RNF222: variants seen among roughly 807,000 people sequenced by gnomAD.
RNF222 encodes ring finger protein 222, also known as RING finger protein LOC643904.
Under a neutral mutation model 10.8 loss-of-function variants are expected in RNF222, and 14 were observed. That is an observed-to-expected ratio of 1.30 (90% CI 0.86 to 2.03). The LOEUF is 2.03. RNF222 is among the 30% of genes most tolerant of loss of function. The probability of loss-of-function intolerance (pLI) is 0.00; values close to 1 mark genes in which losing one functional copy is unlikely to be tolerated. For missense variants in RNF222, 298 were observed against 295.8 expected, an observed-to-expected ratio of 1.01 and a Z score of -0.06; for synonymous variants, 141 against 142.5, an observed-to-expected ratio of 0.99 and a Z score of 0.07.
At position 8,392,728 on chromosome 17, in the gene RNF222, A is replaced by T; in HGVS notation, c.*71T>A. ...CGCGTGCCCCTCGGAGCTTGGTGGC[A>T]CCAGGGCTGCCGTGGGCCTCCTGTC... On this transcript the variant is annotated 3_prime_UTR_variant, in exon 3 of 3. Coordinates refer to ENST00000399398, the MANE Select transcript of RNF222 (RefSeq NM_001146684.3). The surrounding 1 kb of genome is among the most constrained non-coding windows in gnomAD (Gnocchi z 4.3). 2 of 1,497,984 alleles carry T rather than the reference A, an allele frequency of 1.3e-6. No homozygotes were observed. The highest frequency in any genetic ancestry group is 8.8e-7 in the Non-Finnish European group (1 of 1,130,328). The allele number at this position is 1,497,984 out of a possible 1,614,324, so 92.8% of individuals were successfully genotyped here.
chr17:8,396,656 T>A (rs557595570), intron 1 of RNF222, among the ~76,000 whole-genome samples: 10 of 152,160 alleles, frequency 6.6e-5, no homozygotes, highest in Non-Finnish European at 1.5e-4. Context: ...GGGCAATCCT[T>A]CCCCCGTCCC....
At chr17:8,394,418 A>G (rs1388498174) in intron 1 of RNF222, 89 bp from the exon 2 acceptor site, 1 of 151,384 alleles carries the variant, frequency 6.6e-6, no homozygotes, top group Admixed American at 6.6e-5. Flanking sequence ...AACAAGATAT[A>G]TAAAGTAACA....
In RNF222 at chr17:8,392,690, C is replaced by G; in HGVS notation, c.*109G>C. 2 of 1,348,562 alleles carry G rather than the reference C, an allele frequency of 1.5e-6. No individual in the cohort carries two copies. Among genetic ancestry groups the G allele is most frequent in the Admixed American group, 5.2e-5 (2 of 38,238 alleles). The allele number at this position is 1,348,562 out of a possible 1,614,324, so 83.5% of individuals were successfully genotyped here. A position where few individuals can be genotyped will look rare whatever the true frequency, so the allele number is the denominator to read the frequency against. On this transcript the variant is annotated 3_prime_UTR_variant, in exon 3 of 3. Transcript: ENST00000399398. This position sits in a 1 kb window ranked among gnomAD's most constrained non-coding sequence, Gnocchi z 4.3. The stretch of plus-strand genomic sequence containing the variant: ...AGGCCCTCTCTGTGCCCAGGTCCTC[C>G]CCTCTGCCTGCCCGCGTGCCCCTCG...
chr17:8,395,910 A>G (rs1425422433), intron 1 of RNF222, among the ~76,000 whole-genome samples: 2 of 152,154 alleles, frequency 1.3e-5, no homozygotes, highest in South Asian at 4.1e-4. Context: ...CCATCCTTCT[A>G]TCCATCCATC....
chr17:8,393,512 T>C (rs1907939426), intron 2 of RNF222, 26 bp from the exon 3 acceptor site: 3 of 1,497,472 alleles, frequency 2.0e-6, no homozygotes, highest in Non-Finnish European at 1.8e-6. Flanking sequence ...GTTGTGAATA[T>C]TGGGGCATTT....
intron 1 of RNF222, among the ~76,000 whole-genome samples, chr17:8,394,761 A>G (rs1380195031): frequency 6.6e-6 from 1 of 152,218 alleles, no homozygotes; most frequent in African/African-American, 2.4e-5. Context: ...TTTTAAACAG[A>G]ATCTGAGAGC....
At position 8,393,081 on chromosome 17, in the gene RNF222, G is replaced by C; in HGVS notation, c.381C>G (p.Gly127=). Residue 127 remains glycine (G), a synonymous_variant, in exon 3 of 3, where the codon GGC becomes GGG. Transcript: ENST00000399398. ...RPPPGQARPP[G]SPGQSAQLPL... ...GGAGCTGGGCGCTCTGGCCCGGGCTGCCTGGCGGCCTGGCCTGGCCTGGAG... is the reference window on the plus strand; with the variant it reads ...GGAGCTGGGCGCTCTGGCCCGGGCTCCCTGGCGGCCTGGCCTGGCCTGGAG... 1 of 1,493,006 alleles carries C rather than the reference G, an allele frequency of 6.7e-7. No individual in the cohort carries two copies. The highest frequency in any genetic ancestry group is 1.4e-5 in the African/African-American group (1 of 71,742). The allele number at this position is 1,493,006 out of a possible 1,614,324, so 92.5% of individuals were successfully genotyped here. A position where few individuals can be genotyped will look rare whatever the true frequency, so the allele number is the denominator to read the frequency against.
At chr17:8,393,533 T>TC in intron 2 of RNF222, 47 bp from the exon 3 acceptor site, 1 of 1,480,622 alleles carries the variant, frequency 6.8e-7, no homozygotes, top group Non-Finnish European at 9.0e-7. Flanking sequence ...CCTCTTTCCC[T>TC]CCCCCGTCCT....
At chr17:8,396,667 G>C (rs1254252204) in intron 1 of RNF222, among the ~76,000 whole-genome samples, 1 of 151,940 alleles carries the variant, frequency 6.6e-6, no homozygotes, top group Non-Finnish European at 1.5e-5. Context: ...CCCCCGTCCC[G>C]TGCTTCCGGA....
rs1467894702 is a variant in RNF222 at position 8,392,682 on chromosome 17, A to G, written c.*117T>C. On this transcript the variant is annotated 3_prime_UTR_variant, in exon 3 of 3. Transcript: ENST00000399398. This position sits in a 1 kb window ranked among gnomAD's most constrained non-coding sequence, Gnocchi z 4.3. Reference sequence around the variant, plus strand: ...GAAGCCCAAGGCCCTCTCTGTGCCCAGGTCCTCCCCTCTGCCTGCCCGCGT... The same window carrying G: ...GAAGCCCAAGGCCCTCTCTGTGCCCGGGTCCTCCCCTCTGCCTGCCCGCGT... 1.6e-6 allele frequency: 2 copies of G among 1,284,854 alleles called. No individual in the cohort carries two copies. Among genetic ancestry groups the G allele is most frequent in the East Asian group, 5.3e-5 (2 of 37,754 alleles). The allele number at this position is 1,284,854 out of a possible 1,614,324, so 79.6% of individuals were successfully genotyped here.
At chr17:8,396,670 C>G (rs1469429995) in intron 1 of RNF222, among the ~76,000 whole-genome samples, 1 of 152,192 alleles carries the variant, frequency 6.6e-6, no homozygotes, top group Non-Finnish European at 1.5e-5. Context: ...CCGTCCCGTG[C>G]TTCCGGAGAG....
At chr17:8,396,658 C>A (rs1908048279) in intron 1 of RNF222, among the ~76,000 whole-genome samples, 1 of 152,098 alleles carries the variant, frequency 6.6e-6, no homozygotes, top group South Asian at 2.1e-4. Context: ...GCAATCCTTC[C>A]CCCGTCCCGT....
At chr17:8,394,501 A>G (rs529459439) in intron 1 of RNF222, among the ~76,000 whole-genome samples, 172 bp from the exon 2 acceptor site, 7 of 150,172 alleles carry the variant, frequency 4.7e-5, no homozygotes, top group East Asian at 3.9e-4. Flanking sequence ...GCAGTGGCGC[A>G]ACCTCAGCTC....
Position 8,392,996 on chromosome 17 carries a change from C to G in RNF222, c.466G>C (p.Gly156Arg), listed in dbSNP as rs550296861. The change falls in exon 3 of 3, where the codon GGG becomes CGG. Residue 156 changes from glycine to arginine, a missense_variant. Physicochemically the swap from Gly to Arg is moderately radical, Grantham distance 125 (BLOSUM62 -2). Transcript: ENST00000399398. This position sits in a 1 kb window ranked among gnomAD's most constrained non-coding sequence, Gnocchi z 4.3. ...ESQIFVISRHGMPLGEQDSVL... is the reference protein window; with the variant it reads ...ESQIFVISRHRMPLGEQDSVL... Reference sequence around the variant, plus strand: ...CTGTCCTGCTCCCCCAGGGGCATCCCGTGGCGGCTGATGACAAAGATCTGT... The same window carrying G: ...CTGTCCTGCTCCCCCAGGGGCATCCGGTGGCGGCTGATGACAAAGATCTGT... The G allele has an allele frequency of 2.0e-6, 3 of 1,502,454 alleles. No individual in the cohort carries two copies. The highest frequency in any genetic ancestry group is 2.5e-5 in the East Asian group (1 of 40,714). 93.1% of individuals were successfully genotyped at this position (1,502,454 alleles called of 1,614,324 possible).
chr17:8,393,003 G>T lies in RNF222; in HGVS notation c.459C>A (p.Ser153Arg). The stretch of plus-strand genomic sequence containing the variant: ...GCTCCCCCAGGGGCATCCCGTGGCG[G>T]CTGATGACAAAGATCTGTGACTCCC... ...LPRESQIFVI[S>R]RHGMPLGEQD... The change falls in exon 3 of 3, where the codon AGC becomes AGA. Residue 153 changes from serine to arginine, a missense_variant. Physicochemically the swap from Ser to Arg is moderately radical, Grantham distance 110. Transcript: ENST00000399398. 2 of 1,502,708 alleles carry T rather than the reference G, an allele frequency of 1.3e-6. No homozygotes were observed. 93.1% of individuals were successfully genotyped at this position (1,502,708 alleles called of 1,614,324 possible). A position where few individuals can be genotyped will look rare whatever the true frequency, so the allele number is the denominator to read the frequency against.
At chr17:8,394,001 C>T (rs1445729781) in intron 2 of RNF222, among the ~76,000 whole-genome samples, 177 bp downstream of exon 2, 2 of 152,260 alleles carry the variant, frequency 1.3e-5, no homozygotes, top group African/African-American at 4.8e-5. Context: ...CCTCTGCCCT[C>T]ACCTGGGGTT....
Position 8,392,912 on chromosome 17 carries a change from C to T in RNF222, c.550G>A (p.Ala184Thr), listed in dbSNP as rs753537594. 2 of 1,530,864 alleles carry T rather than the reference C, an allele frequency of 1.3e-6. No individual in the cohort carries two copies. The highest frequency in any genetic ancestry group is 1.7e-6 in the Non-Finnish European group (2 of 1,144,674). 94.8% of individuals were successfully genotyped at this position (1,530,864 alleles called of 1,614,324 possible). A position where few individuals can be genotyped will look rare whatever the true frequency, so the allele number is the denominator to read the frequency against. The change falls in exon 3 of 3, where the codon GCC (alanine) becomes ACC (threonine). Residue 184 changes from alanine (A) to threonine (T), a missense_variant. By Grantham distance (58) the Ala-to-Thr change is moderately conservative. Coordinates refer to ENST00000399398, the MANE Select transcript of RNF222 (RefSeq NM_001146684.3). The surrounding 1 kb of genome is among the most constrained non-coding windows in gnomAD (Gnocchi z 4.3). ...CGCGATCGGCAGCAGAAGGCGCGGG[C>T]GGAGCGGGGCGCCAGGGAGGCCTCC... The part of the protein sequence containing the change: ...LSEASLAPRS[A>T]RAFCCRSRAL...
rs1907818790 is a variant in RNF222, at chr17:8,391,417, C to T, written c.*1382G>A. ...TATCCCCTGTAGTGGGGCCCAATTC[C>T]CCAGCGGTCCCCAAATGACCAGCAC... is the stretch of plus-strand genomic sequence containing the variant. On this transcript the variant is annotated 3_prime_UTR_variant, in exon 3 of 3. Transcript: ENST00000399398. 1 of 152,070 alleles carries T rather than the reference C, an allele frequency of 6.6e-6. No homozygotes were observed. The highest frequency in any genetic ancestry group is 6.6e-5 in the Admixed American group (1 of 15,264). The allele number at this position is 152,070 out of a possible 1,614,324, so 9.4% of individuals were successfully genotyped here. A position where few individuals can be genotyped will look rare whatever the true frequency, so the allele number is the denominator to read the frequency against.
chr17:8,395,262 A>G (rs928758514), intron 1 of RNF222, among the ~76,000 whole-genome samples: 6 of 152,328 alleles, frequency 3.9e-5, no homozygotes, highest in Middle Eastern at 3.4e-3. Flanking sequence ...GAGATGGTCA[A>G]TGTGGCCCCC....
Sources: allele counts gnomAD v4.1 joint callset (sites outside exome capture counted in the v4.1 genomes callset), GRCh38; gene constraint gnomAD v4.1.1; non-coding constraint Gnocchi (gnomAD v3.1); transcripts MANE v1.5; gene names NCBI Gene and HGNC (gene_info 2026-07-23, HGNC 2026-07-21).